FSTL5: variants seen among roughly 807,000 people sequenced by gnomAD.
The protein encoded by FSTL5 is follistatin-related protein 5.
A neutral mutation model predicts 89.1 loss-of-function variants in FSTL5; 62 were observed. The ratio of observed to expected loss-of-function variants is 0.70; its 90% confidence interval spans 0.57 to 0.86. FSTL5 has a LOEUF of 0.86. FSTL5 is among the 40% of genes least tolerant of loss of function. The pLI, the probability that FSTL5 is intolerant of heterozygous loss-of-function variation, is 0.00. For missense variants in FSTL5, 1,057 were observed against 1,001.6 expected, an observed-to-expected ratio of 1.06 and a Z score of -0.75; for synonymous variants, 383 against 346.2, an observed-to-expected ratio of 1.11 and a Z score of -1.18.
intron 2 of FSTL5, among the ~76,000 whole-genome samples, chr4:162,099,072 A>G (rs185362706): frequency 6.6e-6 from 1 of 152,232 alleles, no homozygotes; most frequent in East Asian, 1.9e-4. Context: ...ATAGTTTGAT[A>G]CATGCATACA....
chr4:161,900,113 G>C (rs1358354255), intron 4 of FSTL5, among the ~76,000 whole-genome samples: 5 of 152,046 alleles, frequency 3.3e-5, no homozygotes, highest in African/African-American at 1.2e-4. Context: ...AGAATGACTT[G>C]AACCTGGGAG....
At chr4:161,420,526 G>A (rs185930980) in intron 15 of FSTL5, among the ~76,000 whole-genome samples, 3 of 151,934 alleles carry the variant, frequency 2.0e-5, no homozygotes, top group Non-Finnish European at 4.4e-5. Flanking sequence ...ATAATATTAA[G>A]TATTTAAGTG....
At chr4:162,113,713 T>G (rs1285153685) in intron 1 of FSTL5, among the ~76,000 whole-genome samples, 2 of 152,154 alleles carry the variant, frequency 1.3e-5, no homozygotes, top group Non-Finnish European at 2.9e-5. Context: ...GTAAGGTATT[T>G]TCTCCACTTG....
At chr4:161,411,545 G>C (rs1177744202) in intron 15 of FSTL5, among the ~76,000 whole-genome samples, 1 of 152,114 alleles carries the variant, frequency 6.6e-6, no homozygotes, top group Admixed American at 6.5e-5. Flanking sequence ...ATGCAGATAA[G>C]TAAGTGATAT....
intron 3 of FSTL5, among the ~76,000 whole-genome samples, chr4:162,016,574 CT>C (rs1231449449): frequency 2.0e-5 from 3 of 152,018 alleles, no homozygotes; most frequent in Non-Finnish European, 1.5e-5. Context: ...GTTTTAATTC[CT>C]TTGGACTTTA....
chr4:161,686,339 TATATATA>T lies in FSTL5; in HGVS notation c.728-29852_728-29846del, dbSNP rs1209369398. On this transcript the variant is annotated intron_variant, in intron 6 of 15. Transcript: ENST00000306100. ...ATATATATATATATATATATATATA[TATATATA>T]TTTTTTTTTTTTTTTTTTTTTTTTT... 1.8e-3 allele frequency among the ~76,000 whole-genome samples: 15 copies of T among 8,268 alleles called. No homozygotes were observed. The East Asian group carries it at 0.023, about 13-fold the overall frequency. 5.4% of individuals were successfully genotyped at this position (8,268 alleles called of 152,430 possible). A position where few individuals can be genotyped will look rare whatever the true frequency, so the allele number is the denominator to read the frequency against.
chr4:162,063,238 A>G (rs77654812), intron 2 of FSTL5, among the ~76,000 whole-genome samples: 13,980 of 151,680 alleles, frequency 0.092, 766 homozygotes, highest in Non-Finnish European at 0.12. Flanking sequence ...ATTCTAAACT[A>G]TTTTTGAAGT....
chr4:161,459,558 TATC>T (rs1323678311), intron 13 of FSTL5, among the ~76,000 whole-genome samples: 3 of 152,264 alleles, frequency 2.0e-5, no homozygotes, highest in African/African-American at 4.8e-5. Context: ...TGATCACAAT[TATC>T]ATATACATGA....
intron 4 of FSTL5, among the ~76,000 whole-genome samples, chr4:161,883,572 G>T (rs1263584160): frequency 6.6e-6 from 1 of 152,008 alleles, no homozygotes; most frequent in Non-Finnish European, 1.5e-5. Flanking sequence ...GATAATAAAA[G>T]TGTTTCAATA....
At chr4:161,900,303 T>A (rs1733310299) in intron 4 of FSTL5, among the ~76,000 whole-genome samples, 1 of 152,050 alleles carries the variant, frequency 6.6e-6, no homozygotes, top group African/African-American at 2.4e-5. Context: ...ATACAGTGAA[T>A]GAAGCATAAA....
intron 6 of FSTL5, among the ~76,000 whole-genome samples, chr4:161,724,751 T>C (rs895309484): frequency 1.3e-5 from 2 of 152,316 alleles, no homozygotes; most frequent in Admixed American, 6.5e-5. Flanking sequence ...ATTAAATGCT[T>C]AGTCATTTGG....
At chr4:161,872,136 T>G (rs2314272) in intron 4 of FSTL5, among the ~76,000 whole-genome samples, 11,125 of 40,260 alleles carry the variant, frequency 0.28, 1,118 homozygotes, top group East Asian at 0.49. Flanking sequence ...TTGTTTTTTT[T>G]TTTGGTTTTT....
chr4:161,521,858 AAAAAAAG>A (rs1229765590), intron 10 of FSTL5, among the ~76,000 whole-genome samples: 16 of 140,968 alleles, frequency 1.1e-4, no homozygotes, highest in South Asian at 2.2e-4. Context: ...CAAAAAAAAA[AAAAAAAG>A]AAAAAAAAAG....
At chr4:161,745,231 A>C (rs919871224) in intron 6 of FSTL5, among the ~76,000 whole-genome samples, 1 of 152,090 alleles carries the variant, frequency 6.6e-6, no homozygotes, top group Admixed American at 6.5e-5. Flanking sequence ...TGATGAGTTC[A>C]GTTTGAAATC....
intron 15 of FSTL5, among the ~76,000 whole-genome samples, chr4:161,411,558 T>C (rs1560881632): frequency 6.6e-6 from 1 of 152,112 alleles, no homozygotes; most frequent in Non-Finnish European, 1.5e-5. Context: ...AGTGATATAC[T>C]GCATAAACAG....
chr4:161,423,971 C>G (rs997740523), intron 15 of FSTL5, among the ~76,000 whole-genome samples: 1 of 151,256 alleles, frequency 6.6e-6, no homozygotes, highest in African/African-American at 2.4e-5. Flanking sequence ...GCTATTCTGC[C>G]TCAGCCTCCC....
At chr4:161,856,891 A>G (rs188637314) in intron 4 of FSTL5, among the ~76,000 whole-genome samples, 65 of 152,298 alleles carry the variant, frequency 4.3e-4, no homozygotes, top group African/African-American at 1.4e-3. Context: ...CAGAGTACTC[A>G]AGGCTGTGAA....
rs761614639 is a variant in FSTL5, at chr4:161,386,128, A to T, written c.2163T>A (p.Ile721=). 4 of 1,614,022 alleles carry T rather than the reference A, an allele frequency of 2.5e-6. No individual in the cohort carries two copies. Among genetic ancestry groups the T allele is most frequent in the Non-Finnish European group, 3.4e-6 (4 of 1,179,970 alleles). The change falls in exon 16 of 16, where the codon ATT becomes ATA. Residue 721 remains isoleucine (I), a synonymous_variant. Coordinates refer to ENST00000306100, the MANE Select transcript of FSTL5 (RefSeq NM_020116.5). ...DVKGLVRVQY[I]TIRGEIQEAF... ...CCTCCTGTATTTCTCCTCTGATGGT[A>T]ATGTACTGAACCCTTACAAGACCTT...
At chr4:162,049,072 T>C (rs1354003802) in intron 2 of FSTL5, among the ~76,000 whole-genome samples, 1 of 152,162 alleles carries the variant, frequency 6.6e-6, no homozygotes, top group African/African-American at 2.4e-5. Context: ...TATATATATA[T>C]GAGTTTAATA....
Sources: allele counts gnomAD v4.1 joint callset (sites outside exome capture counted in the v4.1 genomes callset), GRCh38; gene constraint gnomAD v4.1.1; transcripts MANE v1.5; gene names NCBI Gene and HGNC (gene_info 2026-07-23, HGNC 2026-07-21).